Variants in MAPRE1 observed in about 807,000 individuals in gnomAD.
MAPRE1 encodes microtubule-associated protein RP/EB family member 1.
In MAPRE1, 5 loss-of-function variants were observed where a neutral mutation model predicts 32.1. The ratio of observed to expected loss-of-function variants is 0.16; its 90% CI spans 0.08 to 0.33. The LOEUF (loss-of-function observed/expected upper bound fraction) is 0.33, where lower values mean the gene tolerates loss of function less well. Among genes scored for constraint, MAPRE1 ranks in the 10% least tolerant of loss-of-function variants. The probability of loss-of-function intolerance (pLI) is 1.00; values close to 1 mark genes in which losing one functional copy is unlikely to be tolerated. For missense variants in MAPRE1, 209 were observed against 327.2 expected, an observed-to-expected ratio of 0.64 and a Z score of 2.79; for synonymous variants, 122 against 118.9, an observed-to-expected ratio of 1.03 and a Z score of -0.17.
intron 5 of MAPRE1, among the ~76,000 whole-genome samples, chr20:32,843,963 C>T (rs1475564051): frequency 6.6e-6 from 1 of 151,860 alleles, no homozygotes; most frequent in East Asian, 1.9e-4. Flanking sequence ...AAATGATACT[C>T]CTGCCCCAGC....
At position 32,822,683 on chromosome 20, in the gene MAPRE1, GAGTTTAAGTAACT is replaced by G. The variant is rs530517570; in HGVS notation, c.-4+2656_-4+2668del. Among the ~76,000 whole-genome samples, 52 of 152,262 alleles carry G rather than the reference GAGTTTAAGTAACT, an allele frequency of 3.4e-4. 3 individuals carry two copies. In the East Asian group the frequency reaches 8.3e-3, roughly 24 times the overall value. On this transcript the variant is annotated intron_variant, in intron 1 of 6. Transcript: ENST00000375571. ...ACTTGTAAGGGAACTGAGGTACATT[GAGTTTAAGTAACT>G]TGCCTAAGATCACACAACTAATGAG...
chr20:32,843,488 G>T (rs561551341), intron 5 of MAPRE1: 1 of 152,196 alleles, frequency 6.6e-6, no homozygotes, highest in African/African-American at 2.4e-5. Context: ...TGAGCTACCT[G>T]ATTTACATGG....
At position 32,833,723 on chromosome 20, in the gene MAPRE1, C is replaced by T. The variant is rs759050147; in HGVS notation, c.128C>T (p.Ala43Val). 8.1e-6 allele frequency: 13 copies of T among 1,610,750 alleles called. No homozygotes were observed. Among genetic ancestry groups the T allele is most frequent in the Admixed American group, 1.7e-5 (1 of 59,830 alleles). The change falls in exon 3 of 7, where the codon GCG (alanine) becomes GTG (valine). Residue 43 changes from alanine to valine, a missense_variant. Ala to Val is a moderately conservative substitution (Grantham distance 64). Around this residue, in one of 3 missense-constraint regions of MAPRE1, gnomAD observed 67 missense variants for 140.0 expected, o/e 0.48. Transcript: ENST00000375571. ...TKIEQLCSGAAYCQFMDMLFP... is the reference protein window; with the variant it reads ...TKIEQLCSGAVYCQFMDMLFP... ...GTTGCCGTTGTTCTTTCAGGGGCTG[C>T]GTATTGTCAGTTTATGGACATGCTG...
chr20:32,837,691 TTTTATA>T (rs1220865717), intron 4 of MAPRE1, among the ~76,000 whole-genome samples: 7 of 152,216 alleles, frequency 4.6e-5, no homozygotes, highest in African/African-American at 1.4e-4. Context: ...ATAATTATAT[TTTTATA>T]TTTAAAGTAT....
chr20:32,821,994 AG>A (rs1982716589), intron 1 of MAPRE1, among the ~76,000 whole-genome samples: 1 of 152,112 alleles, frequency 6.6e-6, no homozygotes, highest in South Asian at 2.1e-4. Context: ...GATTGTCAGG[AG>A]GAGCCAATTA....
chr20:32,839,299 T>C (rs138256194), intron 4 of MAPRE1, among the ~76,000 whole-genome samples: 1 of 152,334 alleles, frequency 6.6e-6, no homozygotes, highest in African/African-American at 2.4e-5. Context: ...AAGTTTGCCT[T>C]TGCTCTACGA....
chr20:32,829,216 T>C (rs796756510), intron 2 of MAPRE1, among the ~76,000 whole-genome samples: 30 of 152,312 alleles, frequency 2.0e-4, no homozygotes, highest in African/African-American at 7.0e-4. Context: ...CTGGGTGGTA[T>C]GTCAGTTTTG....
At chr20:32,836,124 A>G (rs1438934354) in intron 3 of MAPRE1, among the ~76,000 whole-genome samples, 1 of 150,968 alleles carries the variant, frequency 6.6e-6, no homozygotes, top group African/African-American at 2.4e-5. Context: ...ACACCTGCCT[A>G]ATTTTTTTGT....
chr20:32,832,585 A>G (rs1983065833), intron 2 of MAPRE1, among the ~76,000 whole-genome samples: 2 of 148,918 alleles, frequency 1.3e-5, no homozygotes, highest in Admixed American at 1.4e-4. Flanking sequence ...CTCCTTCTTC[A>G]GCCTCCTGAG....
At position 32,836,892 on chromosome 20, in the gene MAPRE1, A is replaced by G. The variant is rs776121025; in HGVS notation, c.475+51A>G. The G allele has an allele frequency of 2.7e-6, 4 of 1,508,102 alleles. No individual in the cohort carries two copies. The South Asian group carries it at 4.9e-5, about 19-fold the overall frequency. The allele number at this position is 1,508,102 out of a possible 1,614,324, so 93.4% of individuals were successfully genotyped here. A position where few individuals can be genotyped will look rare whatever the true frequency, so the allele number is the denominator to read the frequency against. On this transcript the variant is annotated intron_variant, in intron 4 of 6. Coordinates refer to ENST00000375571, the MANE Select transcript of MAPRE1 (RefSeq NM_012325.3). ...CCAAAAAATAGCGTTCCAGATATTC[A>G]TTCAGCGTTCAACTAGAATTTTTTT...
At chr20:32,848,033 T>A (rs1490318700) in intron 6 of MAPRE1, among the ~76,000 whole-genome samples, 1 of 152,038 alleles carries the variant, frequency 6.6e-6, no homozygotes, top group African/African-American at 2.4e-5. Flanking sequence ...ACTTCAGGAA[T>A]TTTTGAGGGA....
chr20:32,841,459 T>A (rs983003132), intron 5 of MAPRE1, among the ~76,000 whole-genome samples: 3 of 151,888 alleles, frequency 2.0e-5, no homozygotes, highest in Admixed American at 6.6e-5. Context: ...AGCTCTTTTT[T>A]TTTTTTAATT....
intron 3 of MAPRE1, among the ~76,000 whole-genome samples, chr20:32,835,827 A>C (rs1983184607): frequency 6.6e-6 from 1 of 151,988 alleles, no homozygotes; most frequent in Non-Finnish European, 1.5e-5. Flanking sequence ...GCTGGTCTCG[A>C]ACTCCTGACC....
intron 2 of MAPRE1, among the ~76,000 whole-genome samples, chr20:32,830,242 T>C (rs1982979254): frequency 3.3e-5 from 5 of 152,168 alleles, no homozygotes; most frequent in Admixed American, 1.3e-4. Flanking sequence ...CGACAGCCCT[T>C]GAGTTCATGT....
chr20:32,819,853 A>G (rs1982630522), upstream of MAPRE1: 1 of 147,710 alleles, frequency 6.8e-6, no homozygotes, highest in Non-Finnish European at 1.5e-5. Context: ...CGCGCGGCTG[A>G]GACCCTCTCT....
At chr20:32,822,659 CTTGTAAGGGAACT>C (rs1401246635) in intron 1 of MAPRE1, among the ~76,000 whole-genome samples, 3 of 152,120 alleles carry the variant, frequency 2.0e-5, no homozygotes, top group Non-Finnish European at 4.4e-5. Context: ...GTGGCTTTAA[CTTGTAAGGGAACT>C]GAGGTACATT....
intron 4 of MAPRE1, 111 bp from the exon 5 acceptor site, chr20:32,839,624 T>C: frequency 6.9e-7 from 1 of 1,454,490 alleles, no homozygotes. Context: ...TTCCCTTCAC[T>C]GAACACCTGT....
intron 1 of MAPRE1, among the ~76,000 whole-genome samples, chr20:32,823,712 G>C (rs895046076): frequency 1.3e-5 from 2 of 152,142 alleles, no homozygotes; most frequent in South Asian, 2.1e-4. Flanking sequence ...CGCAAAATGA[G>C]ACCTGGTCTC....
At chr20:32,822,577 A>G (rs982691862) in intron 1 of MAPRE1, among the ~76,000 whole-genome samples, 1 of 152,202 alleles carries the variant, frequency 6.6e-6, no homozygotes, top group Non-Finnish European at 1.5e-5. Flanking sequence ...AATACCTCTT[A>G]AATTTGATGC....
Sources: gnomAD v4.1 joint callset for allele counts (sites outside exome capture counted in the v4.1 genomes callset) on GRCh38, gnomAD v4.1.1 for gene constraint, gnomAD v4.1.1 regional missense constraint, MANE v1.5 for transcripts, NCBI Gene and HGNC (gene_info 2026-07-23, HGNC 2026-07-21) for gene names.